The following CCDC60 variants were observed in gnomAD, a reference collection of about 807,000 sequenced individuals.
The protein encoded by CCDC60 is coiled-coil domain containing 60.
In CCDC60, 54 loss-of-function variants were observed where a neutral mutation model predicts 63.5. The ratio of observed to expected loss-of-function variants is 0.85; its 90% confidence interval spans 0.68 to 1.07. The LOEUF (loss-of-function observed/expected upper bound fraction) is 1.07, where lower values mean the gene tolerates loss of function less well. CCDC60 is among the 50% of genes least tolerant of loss of function. CCDC60 has a pLI of 0.00. For synonymous variants in CCDC60, 206 were observed against 238.8 expected, an observed-to-expected ratio of 0.86 and a Z score of 1.27; for missense variants, 651 against 684.3, an observed-to-expected ratio of 0.95 and a Z score of 0.54.
At chr12:119,523,882 C>A in intron 11 of CCDC60, 64 bp downstream of exon 11, 1 of 1,522,668 alleles carries the variant, frequency 6.6e-7, no homozygotes, top group Non-Finnish European at 9.0e-7. Flanking sequence ...ATATGCCTGC[C>A]AGGTGCCAGG....
intron 1 of CCDC60, among the ~76,000 whole-genome samples, chr12:119,371,369 C>T (rs1310069539): frequency 6.6e-6 from 1 of 152,146 alleles, no homozygotes; most frequent in Non-Finnish European, 1.5e-5. Context: ...TTCTCCAGAG[C>T]CCAAATCTCA....
intron 2 of CCDC60, among the ~76,000 whole-genome samples, chr12:119,436,820 A>G (rs1405622134): frequency 6.6e-6 from 1 of 152,206 alleles, no homozygotes; most frequent in Non-Finnish European, 1.5e-5. Flanking sequence ...TACAGGCATG[A>G]GCCACTGTGC....
chr12:119,424,246 T>C (rs1399990527), intron 1 of CCDC60, among the ~76,000 whole-genome samples: 4 of 152,220 alleles, frequency 2.6e-5, no homozygotes, highest in African/African-American at 9.6e-5. Context: ...TCTTAGAGCT[T>C]CTCTATGATC....
intron 7 of CCDC60, among the ~76,000 whole-genome samples, chr12:119,511,342 C>A (rs534462072): frequency 1.3e-5 from 2 of 152,302 alleles, no homozygotes; most frequent in East Asian, 3.9e-4. Flanking sequence ...TTTGTTGATG[C>A]AAATCACTGG....
intron 1 of CCDC60, among the ~76,000 whole-genome samples, chr12:119,391,564 C>T (rs1431948688): frequency 1.3e-5 from 2 of 152,222 alleles, no homozygotes; most frequent in Non-Finnish European, 2.9e-5. Context: ...GCAATAATAA[C>T]CTCTACCGGA....
At chr12:119,538,325 G>C (rs190262925) in intron 13 of CCDC60, among the ~76,000 whole-genome samples, 1 of 152,336 alleles carries the variant, frequency 6.6e-6, no homozygotes, top group Admixed American at 6.5e-5. Flanking sequence ...GTCTGTCCCG[G>C]CTTCCCTTGG....
chr12:119,531,922 G>A (rs564218139), intron 13 of CCDC60, among the ~76,000 whole-genome samples: 17 of 152,200 alleles, frequency 1.1e-4, no homozygotes, highest in African/African-American at 2.6e-4. Flanking sequence ...TTTATCAGAC[G>A]GCATATGTGC....
chr12:119,448,693 G>GGC (rs539334651), intron 2 of CCDC60, among the ~76,000 whole-genome samples: 9 of 151,964 alleles, frequency 5.9e-5, no homozygotes, highest in Non-Finnish European at 1.2e-4. Context: ...GTCTGGAAGA[G>GGC]GCGCATTAGG....
intron 2 of CCDC60, among the ~76,000 whole-genome samples, chr12:119,466,312 A>T (rs909359578): frequency 6.6e-6 from 1 of 152,210 alleles, no homozygotes; most frequent in Non-Finnish European, 1.5e-5. Flanking sequence ...CGAGCTTCAT[A>T]AGGGCCAGAA....
chr12:119,354,531 T>C (rs1210131097), intron 1 of CCDC60, among the ~76,000 whole-genome samples: 2 of 151,708 alleles, frequency 1.3e-5, no homozygotes, highest in African/African-American at 4.8e-5. Context: ...TCTGTCAGGG[T>C]TTTTCAGCAT....
At chr12:119,359,483 T>C (rs545031927) in intron 1 of CCDC60, among the ~76,000 whole-genome samples, 157 of 152,270 alleles carry the variant, frequency 1.0e-3, no homozygotes, top group Non-Finnish European at 1.4e-3. Context: ...ATTGAGAATA[T>C]TGAGTACTTA....
At chr12:119,454,537 T>C (rs1950690812) in intron 2 of CCDC60, among the ~76,000 whole-genome samples, 1 of 152,176 alleles carries the variant, frequency 6.6e-6, no homozygotes. Flanking sequence ...TTGACAGAGT[T>C]TCATGTTTCT....
rs535391014 is a variant in CCDC60 at position 119,466,971 on chromosome 12, A to G, written c.171-5023A>G. Reference sequence around the variant, plus strand: ...TTGCCATGGCAACACTCTGGGAGTTACTGCCCCTTTCTATGGCAATGACAC... The same window carrying G: ...TTGCCATGGCAACACTCTGGGAGTTGCTGCCCCTTTCTATGGCAATGACAC... On this transcript the variant is annotated intron_variant, in intron 2 of 13. Transcript: ENST00000327554. Among the ~76,000 whole-genome samples the G allele has an allele frequency of 3.9e-5, 6 of 152,328 alleles. No homozygotes were observed. In the East Asian group the frequency reaches 9.6e-4, roughly 24 times the overall value.
At chr12:119,484,368 G>A (rs979520461) in intron 4 of CCDC60, among the ~76,000 whole-genome samples, 1 of 151,990 alleles carries the variant, frequency 6.6e-6, no homozygotes, top group Middle Eastern at 3.4e-3. Flanking sequence ...TCGTTGTTCT[G>A]TTGTTGTTGT....
Position 119,505,228 on chromosome 12 carries a change from C to G in CCDC60, c.808C>G (p.Gln270Glu), listed in dbSNP as rs1201775274. The G allele has an allele frequency of 1.2e-6, 2 of 1,613,928 alleles. No homozygotes were observed. The highest frequency in any genetic ancestry group is 1.7e-6 in the Non-Finnish European group (2 of 1,180,042). ...GSDEPPSVNT[Q>E]VTSSKDIEDN... ...GGATGAGCCCCCAAGTGTGAACACC[C>G]AGGTGACCAGCAGCAAGGACATTGA... The change falls in exon 7 of 14, where the codon CAG becomes GAG. Residue 270 changes from glutamine (Q) to glutamate (E), a missense_variant. Gln to Glu is a conservative substitution (Grantham distance 29). Transcript: ENST00000327554.
intron 1 of CCDC60, among the ~76,000 whole-genome samples, chr12:119,337,857 TGTGTG>T (rs1955490105): frequency 6.6e-6 from 1 of 151,576 alleles, no homozygotes. Context: ...TGTGTGTGTG[TGTGTG>T]TGTCTCCATG....
intron 1 of CCDC60, among the ~76,000 whole-genome samples, chr12:119,393,246 C>T (rs1455342663): frequency 6.6e-6 from 1 of 152,154 alleles, no homozygotes; most frequent in Non-Finnish European, 1.5e-5. Flanking sequence ...CAAACTCAAT[C>T]GTGTGTTTTT....
chr12:119,371,677 C>T (rs899855513), intron 1 of CCDC60, among the ~76,000 whole-genome samples: 1 of 152,212 alleles, frequency 6.6e-6, no homozygotes, highest in African/African-American at 2.4e-5. Context: ...CCACAGCATC[C>T]ATCCAGTTCT....
At chr12:119,364,097 T>C (rs1380270009) in intron 1 of CCDC60, among the ~76,000 whole-genome samples, 1 of 152,202 alleles carries the variant, frequency 6.6e-6, no homozygotes, top group East Asian at 1.9e-4. Flanking sequence ...TACTCAGAAA[T>C]TGAAAACAAG....
Sources: allele counts gnomAD v4.1 joint callset (sites outside exome capture counted in the v4.1 genomes callset), GRCh38; gene constraint gnomAD v4.1.1; transcripts MANE v1.5; gene names NCBI Gene and HGNC (gene_info 2026-07-23, HGNC 2026-07-21).